The following FRMD4A variants were observed in gnomAD, a reference collection of about 807,000 sequenced individuals.
FRMD4A encodes FERM domain containing 4A.
A neutral mutation model predicts 129.1 loss-of-function variants in FRMD4A; 29 were observed. The ratio of observed to expected loss-of-function variants is 0.22; its 90% CI spans 0.17 to 0.31. FRMD4A has a LOEUF of 0.31. FRMD4A is among the 10% of genes least tolerant of loss of function. FRMD4A has a pLI of 1.00. For missense variants in FRMD4A, 1,272 were observed against 1,375.8 expected, an observed-to-expected ratio of 0.92 and a Z score of 1.19; for synonymous variants, 634 against 571.6, an observed-to-expected ratio of 1.11 and a Z score of -1.56.
intron 2 of FRMD4A, among the ~76,000 whole-genome samples, chr10:13,874,250 A>AG (rs1402553838): frequency 1.7e-4 from 24 of 137,530 alleles, no homozygotes; most frequent in Admixed American, 1.5e-3. Flanking sequence ...TGTCTCAAAA[A>AG]AAAAAAAAAA....
At chr10:13,866,032 C>T (rs1589087991) in intron 2 of FRMD4A, among the ~76,000 whole-genome samples, 1 of 152,040 alleles carries the variant, frequency 6.6e-6, no homozygotes, top group African/African-American at 2.4e-5. Context: ...AAAAGCAAGC[C>T]ACCACGTTGT....
At chr10:14,299,504 G>A (rs570913007) in intron 2 of FRMD4A, among the ~76,000 whole-genome samples, 1 of 152,300 alleles carries the variant, frequency 6.6e-6, no homozygotes, top group Admixed American at 6.5e-5. Context: ...ACCCCGTGTG[G>A]CAAGTGAGGC....
intron 15 of FRMD4A, among the ~76,000 whole-genome samples, chr10:13,686,515 G>C (rs1564610034): frequency 1.3e-5 from 2 of 152,242 alleles, no homozygotes; most frequent in Admixed American, 6.5e-5. Context: ...GCTGAGGACT[G>C]AATGTGGACG....
intron 2 of FRMD4A, among the ~76,000 whole-genome samples, chr10:13,938,288 C>A (rs1052003470): frequency 6.6e-6 from 1 of 152,112 alleles, no homozygotes; most frequent in African/African-American, 2.4e-5. Flanking sequence ...GTTGCCCAGG[C>A]TGGAGTGCAG....
At chr10:14,315,730 C>T (rs1251662644) in intron 2 of FRMD4A, among the ~76,000 whole-genome samples, 1 of 152,178 alleles carries the variant, frequency 6.6e-6, no homozygotes, top group African/African-American at 2.4e-5. Flanking sequence ...TATCATGCAA[C>T]CATATGATCC....
At chr10:13,868,423 G>C (rs2094400602) in intron 2 of FRMD4A, among the ~76,000 whole-genome samples, 1 of 152,100 alleles carries the variant, frequency 6.6e-6, no homozygotes, top group African/African-American at 2.4e-5. Flanking sequence ...CATTCAGAGA[G>C]GATGACCTTG....
At chr10:13,738,341 G>C (rs2090771667) in intron 11 of FRMD4A, among the ~76,000 whole-genome samples, 1 of 152,198 alleles carries the variant, frequency 6.6e-6, no homozygotes, top group African/African-American at 2.4e-5. Flanking sequence ...CTTCTGGGCA[G>C]AGAAACTGTC....
intron 2 of FRMD4A, among the ~76,000 whole-genome samples, chr10:14,210,329 G>A (rs1842900353): frequency 6.6e-6 from 1 of 152,162 alleles, no homozygotes; most frequent in African/African-American, 2.4e-5. Context: ...CACCAAATCT[G>A]CTGGCGCCTT....
chr10:13,927,858 A>C (rs1235460427), intron 2 of FRMD4A, among the ~76,000 whole-genome samples: 4 of 152,226 alleles, frequency 2.6e-5, no homozygotes, highest in Non-Finnish European at 5.9e-5. Flanking sequence ...GATGGAGCTC[A>C]TAAGAAATGT....
At chr10:14,121,229 A>G (rs6602706) in intron 2 of FRMD4A, among the ~76,000 whole-genome samples, 88,749 of 151,990 alleles carry the variant, frequency 0.58, 26,812 homozygotes, top group African/African-American at 0.75. Flanking sequence ...TTAGCCGGGC[A>G]TGGTGGCGTG....
At chr10:14,060,007 GAGA>G (rs1323071841) in intron 2 of FRMD4A, among the ~76,000 whole-genome samples, 1 of 152,212 alleles carries the variant, frequency 6.6e-6, no homozygotes, top group Admixed American at 6.5e-5. Context: ...TAAGTGTGGG[GAGA>G]AGGATTCTAA....
chr10:14,151,264 G>A (rs997648313), intron 2 of FRMD4A, among the ~76,000 whole-genome samples: 1 of 152,120 alleles, frequency 6.6e-6, no homozygotes, highest in Non-Finnish European at 1.5e-5. Flanking sequence ...GCAACCTAAG[G>A]GTCCACCAAT....
At chr10:13,652,648 C>A (rs2081741317) in intron 23 of FRMD4A, among the ~76,000 whole-genome samples, 1 of 152,210 alleles carries the variant, frequency 6.6e-6, no homozygotes, top group African/African-American at 2.4e-5. Context: ...GTCCAACAGA[C>A]AGCCCAAGAA....
chr10:14,198,499 G>T (rs1842537738), intron 2 of FRMD4A, among the ~76,000 whole-genome samples: 1 of 152,240 alleles, frequency 6.6e-6, no homozygotes, highest in Non-Finnish European at 1.5e-5. Flanking sequence ...CCCAGGGAAA[G>T]TGAGGGCTTT....
At chr10:14,197,148 TC>T (rs1842494469) in intron 2 of FRMD4A, among the ~76,000 whole-genome samples, 1 of 151,964 alleles carries the variant, frequency 6.6e-6, no homozygotes, top group African/African-American at 2.4e-5. Flanking sequence ...ACCCAGAAAC[TC>T]CCTGGTCTGG....
chr10:13,897,035 T>A (rs1378708895), intron 2 of FRMD4A, among the ~76,000 whole-genome samples: 1 of 152,144 alleles, frequency 6.6e-6, no homozygotes, highest in South Asian at 2.1e-4. Flanking sequence ...TTATGCCCCA[T>A]TGTTCAGTTA....
At chr10:14,165,271 G>A (rs1041624288) in intron 2 of FRMD4A, among the ~76,000 whole-genome samples, 6 of 152,126 alleles carry the variant, frequency 3.9e-5, no homozygotes, top group African/African-American at 1.2e-4. Flanking sequence ...AATGCTCAGC[G>A]TCAGTGATCA....
chr10:14,217,394 G>A (rs1288443964), intron 2 of FRMD4A, among the ~76,000 whole-genome samples: 1 of 152,174 alleles, frequency 6.6e-6, no homozygotes, highest in African/African-American at 2.4e-5. Context: ...TGGTGAATAA[G>A]TCACAGGAGA....
At chr10:14,227,132 C>T (rs1475545846) in intron 2 of FRMD4A, among the ~76,000 whole-genome samples, 1 of 152,018 alleles carries the variant, frequency 6.6e-6, no homozygotes, top group African/African-American at 2.4e-5. Flanking sequence ...CCTCTTGCAC[C>T]CAGGCACTTG....
Sources: allele counts gnomAD v4.1 joint callset (sites outside exome capture counted in the v4.1 genomes callset), GRCh38; gene constraint gnomAD v4.1.1; transcripts MANE v1.5; gene names NCBI Gene and HGNC (gene_info 2026-07-23, HGNC 2026-07-21).